FRMPD2: variants seen among roughly 807,000 people sequenced by gnomAD.
The protein encoded by FRMPD2 is FERM and PDZ domain containing 2.
A neutral mutation model predicts 140.1 loss-of-function variants in FRMPD2; 96 were observed. That is an observed-to-expected ratio of 0.69 (90% confidence interval 0.58 to 0.81). The LOEUF is 0.81. Among genes scored for constraint, FRMPD2 ranks in the 40% least tolerant of loss-of-function variants. FRMPD2 has a pLI of 0.00. For synonymous variants in FRMPD2, 449 were observed against 547.6 expected (o/e 0.82, Z 2.52); for missense variants, 1,240 against 1,447.4 (o/e 0.86, Z 2.32).
intron 3 of FRMPD2, 96 bp from the exon 4 acceptor site, chr10:48,244,945 A>T (rs1409285489): frequency 3.2e-6 from 3 of 942,122 alleles, no homozygotes; most frequent in Non-Finnish European, 5.1e-6. Flanking sequence ...ATGAACAGAC[A>T]CTGTTGTCTG....
intron 13 of FRMPD2, among the ~76,000 whole-genome samples, chr10:48,209,775 G>A (rs1248678667): frequency 6.6e-6 from 1 of 152,174 alleles, no homozygotes; most frequent in Non-Finnish European, 1.5e-5. Context: ...CTATCCCTAA[G>A]GAATGAAGCA....
Position 48,181,858 on chromosome 10 carries a change from C to CATATAT in FRMPD2, c.2585-856_2585-851dup, listed in dbSNP as rs35165586. 1.3e-3 allele frequency among the ~76,000 whole-genome samples: 102 copies of CATATAT among 79,792 alleles called. 5 individuals carry two copies. Among genetic ancestry groups the CATATAT allele is most frequent in the Middle Eastern group, 7.4e-3 (1 of 136 alleles). The allele number at this position is 79,792 out of a possible 152,430, so 52.3% of individuals were successfully genotyped here. On this transcript the variant is annotated intron_variant, in intron 20 of 28. Coordinates refer to ENST00000374201, the MANE Select transcript of FRMPD2 (RefSeq NM_001018071.4). ...ATATATGAAAGAATATATATTCCCTCATATATATATATATATATATGGCTC... is the reference window on the plus strand; with the variant it reads ...ATATATGAAAGAATATATATTCCCTCATATATATATATATATATATATATATGGCTC...
rs180824479 is a variant in FRMPD2, at chr10:48,203,880, C to T, written c.1798-2496G>A. The stretch of plus-strand genomic sequence containing the variant: ...TCAGACACACCCTCCTTGCCACGTC[C>T]CTTCGCACCAGGTGGTGTTGGGTGA... On this transcript the variant is annotated intron_variant, in intron 14 of 28. Coordinates refer to ENST00000374201, the MANE Select transcript of FRMPD2 (RefSeq NM_001018071.4). Among the ~76,000 whole-genome samples, 224 of 152,264 alleles carry T rather than the reference C, an allele frequency of 1.5e-3. 1 individual carries two copies. The highest frequency in any genetic ancestry group is 1.9e-3 in the Non-Finnish European group (131 of 68,012).
chr10:48,239,043 A>C (rs776174480), intron 7 of FRMPD2, among the ~76,000 whole-genome samples: 9 of 151,980 alleles, frequency 5.9e-5, no homozygotes, highest in Middle Eastern at 3.4e-3. Context: ...CCTCTCTGTC[A>C]GTTCTGCCAT....
intron 1 of FRMPD2, among the ~76,000 whole-genome samples, chr10:48,270,339 A>G (rs1015853313): frequency 2.6e-5 from 4 of 152,158 alleles, no homozygotes; most frequent in African/African-American, 9.7e-5. Context: ...GCTGATTTGT[A>G]AAGCAGTTTG....
At chr10:48,217,026 G>C (rs916129880) in intron 12 of FRMPD2, among the ~76,000 whole-genome samples, 1 of 152,192 alleles carries the variant, frequency 6.6e-6, no homozygotes. Context: ...CTGAGACACT[G>C]CCTCCCTGGG....
intron 24 of FRMPD2, 103 bp downstream of exon 24, chr10:48,174,767 G>C (rs528639775): frequency 2.0e-6 from 2 of 985,032 alleles, no homozygotes; most frequent in East Asian, 2.5e-5. Flanking sequence ...AAAAAGTCTT[G>C]TTTCTTGCCT....
In FRMPD2 at chr10:48,192,687, C is replaced by T. The variant is rs116034788; in HGVS notation, c.2162G>A (p.Arg721His). Residue 721 changes from arginine to histidine, a missense_variant, in exon 16 of 29, where the codon CGC (arginine) becomes CAC (histidine). Coordinates refer to ENST00000374201, the MANE Select transcript of FRMPD2 (RefSeq NM_001018071.4). ...SKEAGAEGIG[R>H]SPCTGREQLK... is the part of the protein sequence containing the mutation. Reference sequence around the variant, plus strand: ...AGAACAAATGTGTCACACCCACCTGCGCCCGATGCCTTCTGCTCCAGCCTC... The same window carrying T: ...AGAACAAATGTGTCACACCCACCTGTGCCCGATGCCTTCTGCTCCAGCCTC... 3,837 of 1,613,780 alleles carry T rather than the reference C, an allele frequency of 2.4e-3. 7 individuals carry two copies. Among genetic ancestry groups the T allele is most frequent in the Admixed American group, 2.9e-3 (174 of 60,032 alleles).
At chr10:48,217,355 A>C (rs1588835861) in intron 12 of FRMPD2, among the ~76,000 whole-genome samples, 2 of 152,316 alleles carry the variant, frequency 1.3e-5, no homozygotes, top group South Asian at 4.1e-4. Context: ...CCACATGATG[A>C]CAAATGCTGT....
intron 4 of FRMPD2, among the ~76,000 whole-genome samples, chr10:48,242,760 G>A (rs1408940093): frequency 6.6e-6 from 1 of 152,178 alleles, no homozygotes; most frequent in Non-Finnish European, 1.5e-5. Context: ...GTCTCACTTG[G>A]CCTTTCCCCT....
chr10:48,245,161 T>C (rs2131955670), intron 3 of FRMPD2, among the ~76,000 whole-genome samples: 1 of 152,326 alleles, frequency 6.6e-6, no homozygotes, highest in South Asian at 2.1e-4. Flanking sequence ...TTCCCCTTTG[T>C]TCCTGCCTTC....
In FRMPD2 at chr10:48,184,686, G is replaced by A. The variant is rs202174268; in HGVS notation, c.2468-4C>T. On this transcript the variant is annotated splice_region_variant and splice_polypyrimidine_tract_variant and intron_variant, in intron 19 of 28. Coordinates refer to ENST00000374201, the MANE Select transcript of FRMPD2 (RefSeq NM_001018071.4). ...TTCAGGGCTAGTATCTGCCCTCCTA[G>A]AAAAATAAAACATCTCAATAATCCT... 3.5e-5 allele frequency: 56 copies of A among 1,605,870 alleles called. No individual in the cohort carries two copies. The East Asian group carries it at 1.0e-3, about 30-fold the overall frequency.
At chr10:48,223,854 C>G (rs1400879836) in intron 10 of FRMPD2, among the ~76,000 whole-genome samples, 1 of 152,190 alleles carries the variant, frequency 6.6e-6, no homozygotes, top group Non-Finnish European at 1.5e-5. Flanking sequence ...CCAGAGCTTC[C>G]TCTCTCAGCC....
Position 48,189,789 on chromosome 10 carries a change from A to G in FRMPD2, c.2166-2497T>C, listed in dbSNP as rs147264920. On this transcript the variant is annotated intron_variant, in intron 16 of 28. Coordinates refer to ENST00000374201, the MANE Select transcript of FRMPD2 (RefSeq NM_001018071.4). ...AGACCTGATGCCACATCTCCCAAGC[A>G]GCCGTCCCTGGTGCCCTTGCTTGGA... 7.3e-3 allele frequency among the ~76,000 whole-genome samples: 1,119 copies of G among 152,342 alleles called. 10 individuals are homozygous for G. The highest frequency in any genetic ancestry group is 0.023 in the African/African-American group (956 of 41,578).
chr10:48,206,019 C>G (rs1208134404), intron 14 of FRMPD2, among the ~76,000 whole-genome samples: 1 of 151,984 alleles, frequency 6.6e-6, no homozygotes, highest in Non-Finnish European at 1.5e-5. Flanking sequence ...AGATAAAGAA[C>G]TTCATATTTT....
intron 20 of FRMPD2, 80 bp downstream of exon 20, chr10:48,184,486 A>G (rs903328984): frequency 2.3e-6 from 2 of 859,238 alleles, no homozygotes; most frequent in Admixed American, 4.1e-5. Flanking sequence ...GTGGACTTCA[A>G]GGTCTAGTAC....
chr10:48,198,702 A>T (rs1360763916), intron 15 of FRMPD2, among the ~76,000 whole-genome samples: 3 of 152,216 alleles, frequency 2.0e-5, no homozygotes, highest in African/African-American at 7.2e-5. Context: ...GATTCTTCCA[A>T]TCCATAAGCA....
intron 13 of FRMPD2, among the ~76,000 whole-genome samples, chr10:48,207,677 A>T (rs1288058834): frequency 6.6e-6 from 1 of 152,148 alleles, no homozygotes; most frequent in Non-Finnish European, 1.5e-5. Context: ...CTTCACCAGG[A>T]AGACGCCAGT....
At chr10:48,213,446 T>G (rs1300437749) in intron 12 of FRMPD2, among the ~76,000 whole-genome samples, 1 of 152,218 alleles carries the variant, frequency 6.6e-6, no homozygotes, top group Admixed American at 6.5e-5. Context: ...AAACATATGC[T>G]TACCATATGA....
Sources: allele counts gnomAD v4.1 joint callset (sites outside exome capture counted in the v4.1 genomes callset), GRCh38; gene constraint gnomAD v4.1.1; transcripts MANE v1.5; gene names NCBI Gene and HGNC (gene_info 2026-07-23, HGNC 2026-07-21).